Variants in GRM5 observed in about 807,000 individuals in gnomAD.
GRM5 encodes the protein metabotropic glutamate receptor 5.
Under a neutral mutation model 83.1 loss-of-function variants are expected in GRM5, and 19 were observed. The observed-to-expected ratio is 0.23, with a 90% CI of 0.16 to 0.34. The LOEUF (loss-of-function observed/expected upper bound fraction) is 0.34. Among genes scored for constraint, GRM5 ranks in the 10% least tolerant of loss-of-function variants. The pLI is 1.00. For synonymous variants in GRM5, 675 were observed against 633.6 expected (o/e 1.07, Z -0.98); for missense variants, 1,160 against 1,588.3 (o/e 0.73, Z 4.58).
intron 3 of GRM5, among the ~76,000 whole-genome samples, chr11:88,786,707 C>A (rs1480745259): frequency 6.6e-6 from 1 of 152,060 alleles, no homozygotes; most frequent in Non-Finnish European, 1.5e-5. Context: ...TTTAAAACAT[C>A]ATTCCCACAG....
In GRM5 at chr11:88,826,917, T is replaced by G. The variant is rs192560863; in HGVS notation, c.911+22989A>C. On this transcript the variant is annotated intron_variant, in intron 3 of 9. Coordinates refer to ENST00000305447, the MANE Select transcript of GRM5 (RefSeq NM_001143831.3). ...AACTTCAAAAATGGAAAAGTGGAAGTGTCAGGCTATAACAATCTCTTGAGA... is the reference window on the plus strand; with the variant it reads ...AACTTCAAAAATGGAAAAGTGGAAGGGTCAGGCTATAACAATCTCTTGAGA... Among the ~76,000 whole-genome samples the G allele has an allele frequency of 8.7e-4, 132 of 152,270 alleles. 1 individual carries two copies. The highest frequency in any genetic ancestry group is 7.6e-3 in the Admixed American group (117 of 15,300).
Position 88,727,518 on chromosome 11 carries a change from A to C in GRM5, c.912-74115T>G, listed in dbSNP as rs182574703. On this transcript the variant is annotated intron_variant, in intron 3 of 9. Coordinates refer to ENST00000305447, the MANE Select transcript of GRM5 (RefSeq NM_001143831.3). The stretch of plus-strand genomic sequence containing the variant: ...TCAAGGATATTCAGGATTTGAACTC[A>C]GCTCTGGACCAAGCGGACCCAATAG... 8.4e-4 allele frequency among the ~76,000 whole-genome samples: 128 copies of C among 152,314 alleles called. 1 individual carries two copies. Among genetic ancestry groups the C allele is most frequent in the African/African-American group, 3.0e-3 (123 of 41,576 alleles).
At chr11:88,759,365 T>C (rs1942463001) in intron 3 of GRM5, among the ~76,000 whole-genome samples, 1 of 151,750 alleles carries the variant, frequency 6.6e-6, no homozygotes, top group South Asian at 2.1e-4. Context: ...GGTTCAAAAT[T>C]AAGGGACAGA....
intron 2 of GRM5, among the ~76,000 whole-genome samples, chr11:89,019,942 G>T (rs1230142049): frequency 6.6e-6 from 1 of 152,086 alleles, no homozygotes; most frequent in East Asian, 1.9e-4. Flanking sequence ...TACACACAAA[G>T]AGCTGTTTTA....
At chr11:88,797,945 A>G (rs922415841) in intron 3 of GRM5, among the ~76,000 whole-genome samples, 3 of 152,008 alleles carry the variant, frequency 2.0e-5, no homozygotes, top group Non-Finnish European at 2.9e-5. Context: ...TTAATATGTC[A>G]TGAGTATCAT....
At chr11:88,639,663 C>T (rs61902044) in intron 4 of GRM5, among the ~76,000 whole-genome samples, 19,927 of 151,706 alleles carry the variant, frequency 0.13, 1,607 homozygotes, top group Middle Eastern at 0.18. Flanking sequence ...TCTCTCCTCA[C>T]TGCAAGCTCC....
intron 3 of GRM5, among the ~76,000 whole-genome samples, chr11:88,849,217 G>T (rs555346227): frequency 1.3e-5 from 2 of 151,868 alleles, no homozygotes; most frequent in East Asian, 3.9e-4. Context: ...ATATATGTGT[G>T]CAGGACACAT....
intron 3 of GRM5, among the ~76,000 whole-genome samples, chr11:88,781,354 A>G (rs1237479366): frequency 2.6e-5 from 4 of 152,148 alleles, no homozygotes; most frequent in African/African-American, 7.2e-5. Flanking sequence ...TGGAAACACT[A>G]CATAAATGGA....
In GRM5 at chr11:88,505,317, G is replaced by A. The variant is rs929897402; in HGVS notation, c.*3275C>T. 6.6e-6 allele frequency: 1 copy of A among 152,188 alleles called. No individual in the cohort carries two copies. The highest frequency in any genetic ancestry group is 2.4e-5 in the African/African-American group (1 of 41,460). The allele number at this position is 152,188 out of a possible 1,614,324, so 9.4% of individuals were successfully genotyped here. ...TACATTTTACTGGGAGACTAGCATA[G>A]GAAATGCTTTTGTTTTTTGTTATTC... is the stretch of plus-strand genomic sequence containing the variant. On this transcript the variant is annotated 3_prime_UTR_variant, in exon 10 of 10. Coordinates refer to ENST00000305447, the MANE Select transcript of GRM5 (RefSeq NM_001143831.3).
At chr11:88,796,769 T>G (rs767264536) in intron 3 of GRM5, among the ~76,000 whole-genome samples, 18 of 152,104 alleles carry the variant, frequency 1.2e-4, no homozygotes, top group Non-Finnish European at 2.5e-4. Flanking sequence ...TTTACATAAT[T>G]CTTTGTCACA....
intron 2 of GRM5, among the ~76,000 whole-genome samples, chr11:88,884,562 A>C (rs1265391495): frequency 6.6e-6 from 1 of 152,090 alleles, no homozygotes; most frequent in Admixed American, 6.5e-5. Flanking sequence ...TGAAATGTGA[A>C]AGGGACATGA....
chr11:88,527,353 T>C (rs1272718520), intron 8 of GRM5, among the ~76,000 whole-genome samples: 3 of 152,124 alleles, frequency 2.0e-5, no homozygotes, highest in Non-Finnish European at 4.4e-5. Flanking sequence ...TAAGCTCTTC[T>C]CTTTCTTTCT....
At chr11:88,751,139 C>A (rs1186291194) in intron 3 of GRM5, among the ~76,000 whole-genome samples, 3 of 131,762 alleles carry the variant, frequency 2.3e-5, no homozygotes, top group Non-Finnish European at 3.2e-5. Context: ...TAGAGACATG[C>A]AAAACCCATC....
chr11:89,024,408 CTT>C (rs1941076917), intron 2 of GRM5, among the ~76,000 whole-genome samples: 1 of 152,176 alleles, frequency 6.6e-6, no homozygotes, highest in Non-Finnish European at 1.5e-5. Flanking sequence ...ATTTCAGACT[CTT>C]ATATCAGGAT....
At chr11:88,638,225 C>T (rs1339741448) in intron 4 of GRM5, among the ~76,000 whole-genome samples, 3 of 151,074 alleles carry the variant, frequency 2.0e-5, no homozygotes, top group African/African-American at 7.3e-5. Context: ...TTAATGGGTG[C>T]AGCACACCAG....
intron 2 of GRM5, among the ~76,000 whole-genome samples, chr11:88,928,098 C>G (rs776391637): frequency 6.6e-6 from 1 of 152,026 alleles, no homozygotes; most frequent in East Asian, 1.9e-4. Flanking sequence ...TTATGTGCAG[C>G]GTTTCACATG....
At chr11:88,530,481 A>G (rs10765595) in intron 8 of GRM5, among the ~76,000 whole-genome samples, 7,562 of 152,070 alleles carry the variant, frequency 0.05, 406 homozygotes, top group East Asian at 0.2. Context: ...TTCTTTGTCC[A>G]GGAAGTTCTA....
intron 2 of GRM5, among the ~76,000 whole-genome samples, chr11:89,009,917 A>AAAAAC (rs1565333859): frequency 3.5e-5 from 5 of 144,124 alleles, no homozygotes; most frequent in African/African-American, 1.3e-4. Context: ...AAAAAAAAAA[A>AAAAAC]AAAAAAAAAA....
chr11:89,026,019 A>G (rs1220583485), intron 2 of GRM5, among the ~76,000 whole-genome samples: 2 of 152,212 alleles, frequency 1.3e-5, no homozygotes, highest in Non-Finnish European at 2.9e-5. Context: ...AAGCAAAATC[A>G]TGCTCTTTTT....
Sources: gnomAD v4.1 joint callset for allele counts (sites outside exome capture counted in the v4.1 genomes callset) on GRCh38, gnomAD v4.1.1 for gene constraint, MANE v1.5 for transcripts, NCBI Gene and HGNC (gene_info 2026-07-23, HGNC 2026-07-21) for gene names.